The following GRM7 variants were observed in gnomAD, a reference collection of about 807,000 sequenced individuals.
The protein encoded by GRM7 is metabotropic glutamate receptor 7.
A neutral mutation model predicts 84.5 loss-of-function variants in GRM7; 35 were observed. That is an observed-to-expected ratio of 0.41 (90% CI 0.32 to 0.55). GRM7 has a LOEUF of 0.55. GRM7 is among the 20% of genes least tolerant of loss of function. GRM7 has a pLI of 0.19. For missense variants in GRM7, 1,003 were observed against 1,194.6 expected, an observed-to-expected ratio of 0.84 and a Z score of 2.36; for synonymous variants, 487 against 455.1, an observed-to-expected ratio of 1.07 and a Z score of -0.89.
intron 1 of GRM7, among the ~76,000 whole-genome samples, chr3:6,957,076 T>C (rs1001427638): frequency 5.9e-5 from 9 of 152,230 alleles, no homozygotes; most frequent in African/African-American, 2.2e-4. Context: ...AATTTTATAT[T>C]ATAGACCCTT....
intron 5 of GRM7, among the ~76,000 whole-genome samples, chr3:7,449,955 C>T (rs1053656828): frequency 5.9e-5 from 9 of 151,944 alleles, no homozygotes; most frequent in African/African-American, 2.2e-4. Flanking sequence ...TAAATCAATG[C>T]ATTTTATTAG....
chr3:7,505,820 G>T (rs909467878), intron 7 of GRM7, among the ~76,000 whole-genome samples: 1 of 152,212 alleles, frequency 6.6e-6, no homozygotes, highest in Admixed American at 6.5e-5. Context: ...GCCTGTGATG[G>T]GAAAGGCAGC....
intron 3 of GRM7, among the ~76,000 whole-genome samples, chr3:7,304,101 A>G (rs1700101750): frequency 6.6e-6 from 1 of 152,112 alleles, no homozygotes. Context: ...GTGATTTACA[A>G]CAAATAGCTG....
In GRM7 at chr3:6,862,293, C is replaced by G. The variant is rs1018175484; in HGVS notation, c.519+386C>G. ...GGAGAATGGAATAGGAAAGATGAGA[C>G]GATGCCTGGAAACCGGGCATTTCCC... is the stretch of plus-strand genomic sequence containing the variant. On this transcript the variant is annotated intron_variant, in intron 1 of 9. Transcript: ENST00000357716. This position sits in a 1 kb window ranked among gnomAD's most constrained non-coding sequence, Gnocchi z 5.2. Among the ~76,000 whole-genome samples, 3 of 152,040 alleles carry G rather than the reference C, an allele frequency of 2.0e-5. No homozygotes were observed. Among genetic ancestry groups the G allele is most frequent in the Non-Finnish European group, 4.4e-5 (3 of 68,014 alleles).
intron 1 of GRM7, among the ~76,000 whole-genome samples, chr3:6,960,355 C>G (rs1044155725): frequency 2.0e-5 from 3 of 152,152 alleles, no homozygotes; most frequent in African/African-American, 7.2e-5. Flanking sequence ...ACCTTTGAAG[C>G]CCACTAATCA....
chr3:7,088,896 G>C (rs1698558648), intron 1 of GRM7, among the ~76,000 whole-genome samples: 1 of 151,896 alleles, frequency 6.6e-6, no homozygotes, highest in African/African-American at 2.4e-5. Flanking sequence ...CTGGCAAAGA[G>C]GACATCCTGT....
intron 2 of GRM7, among the ~76,000 whole-genome samples, chr3:7,246,380 C>T (rs1300080579): frequency 1.3e-5 from 2 of 152,088 alleles, no homozygotes; most frequent in South Asian, 4.1e-4. Context: ...TTTGCAGGAG[C>T]CCTGGAAACT....
At chr3:7,251,314 T>A (rs1305139688) in intron 2 of GRM7, among the ~76,000 whole-genome samples, 7 of 150,636 alleles carry the variant, frequency 4.6e-5, no homozygotes, top group Non-Finnish European at 8.9e-5. Flanking sequence ...AAAAAAAAAA[T>A]GTACTAGGCT....
At chr3:7,084,505 A>T (rs1698378585) in intron 1 of GRM7, among the ~76,000 whole-genome samples, 2 of 152,150 alleles carry the variant, frequency 1.3e-5, no homozygotes. Flanking sequence ...ACCAGTGGTT[A>T]TGTGTGAGGT....
At chr3:7,631,076 C>T (rs942124694) in intron 8 of GRM7, among the ~76,000 whole-genome samples, 3 of 152,220 alleles carry the variant, frequency 2.0e-5, no homozygotes, top group African/African-American at 7.2e-5. Context: ...TTGCCAAACA[C>T]CGTGGCCGCA....
intron 1 of GRM7, among the ~76,000 whole-genome samples, chr3:7,108,599 A>G (rs913346512): frequency 6.6e-6 from 1 of 151,696 alleles, no homozygotes; most frequent in African/African-American, 2.4e-5. Flanking sequence ...TCAAGACCAC[A>G]CAAGAGAAAG....
chr3:7,598,184 C>G (rs1696142100), intron 8 of GRM7, among the ~76,000 whole-genome samples: 3 of 152,186 alleles, frequency 2.0e-5, no homozygotes, highest in Admixed American at 2.0e-4. Flanking sequence ...AGGTATGAGG[C>G]AGTAAGAGAT....
At chr3:7,526,529 TTTAA>T (rs1239616752) in intron 7 of GRM7, among the ~76,000 whole-genome samples, 2 of 151,970 alleles carry the variant, frequency 1.3e-5, no homozygotes, top group Non-Finnish European at 2.9e-5. Flanking sequence ...AGTTCTTTAG[TTTAA>T]TTAGTTCTTA....
At chr3:7,009,879 G>A (rs1367544648) in intron 1 of GRM7, among the ~76,000 whole-genome samples, 1 of 152,108 alleles carries the variant, frequency 6.6e-6, no homozygotes, top group African/African-American at 2.4e-5. Context: ...GGCTGAGTAT[G>A]TTTCACAGAT....
chr3:6,864,506 A>G (rs1370016327), intron 1 of GRM7, among the ~76,000 whole-genome samples: 1 of 152,168 alleles, frequency 6.6e-6, no homozygotes, highest in East Asian at 1.9e-4. Context: ...GGGAGAGAAA[A>G]AGGATATAGT....
Position 7,020,613 on chromosome 3 carries a change from A to G in GRM7, c.520-125839A>G, listed in dbSNP as rs532024464. Reference sequence around the variant, plus strand: ...CACACAATTAGTATACTTAATAAAGATATCACAATTCGAATGAATGTAATT... The same window carrying G: ...CACACAATTAGTATACTTAATAAAGGTATCACAATTCGAATGAATGTAATT... On this transcript the variant is annotated intron_variant, in intron 1 of 9. Coordinates refer to ENST00000357716, the MANE Select transcript of GRM7 (RefSeq NM_000844.4). 2.0e-5 allele frequency among the ~76,000 whole-genome samples: 3 copies of G among 152,314 alleles called. No homozygotes were observed. In the East Asian group the frequency reaches 5.8e-4, roughly 29 times the overall value.
At chr3:7,389,951 A>G (rs1465776741) in intron 4 of GRM7, among the ~76,000 whole-genome samples, 2 of 152,060 alleles carry the variant, frequency 1.3e-5, no homozygotes, top group African/African-American at 4.8e-5. Context: ...TTGCTTGTGC[A>G]GTTGGCTTCC....
At chr3:7,617,658 G>A (rs1285390497) in intron 8 of GRM7, among the ~76,000 whole-genome samples, 1 of 152,110 alleles carries the variant, frequency 6.6e-6, no homozygotes, top group South Asian at 2.1e-4. Context: ...GTAAATAAAT[G>A]AAACAGAAAA....
chr3:7,360,591 G>C (rs1693618124), intron 4 of GRM7, among the ~76,000 whole-genome samples: 1 of 152,054 alleles, frequency 6.6e-6, no homozygotes, highest in Non-Finnish European at 1.5e-5. Flanking sequence ...AGGAATTACA[G>C]TCCAGCTGTG....
Sources: allele counts gnomAD v4.1 joint callset (sites outside exome capture counted in the v4.1 genomes callset), GRCh38; gene constraint gnomAD v4.1.1; non-coding constraint Gnocchi (gnomAD v3.1); transcripts MANE v1.5; gene names NCBI Gene and HGNC (gene_info 2026-07-23, HGNC 2026-07-21).